The following DISC1 variants were observed in gnomAD, a reference collection of about 807,000 sequenced individuals.
DISC1 encodes the protein DISC1 scaffold protein.
A neutral mutation model predicts 84.5 loss-of-function variants in DISC1; 57 were observed. The observed-to-expected ratio is 0.67, with a 90% CI of 0.55 to 0.84. The LOEUF is 0.84. DISC1 is among the 40% of genes least tolerant of loss of function. The pLI, the probability that DISC1 is intolerant of heterozygous loss-of-function variation, is 0.00. For missense variants in DISC1, 1,000 were observed against 1,057.8 expected, an observed-to-expected ratio of 0.95 and a Z score of 0.76; for synonymous variants, 411 against 415.2, an observed-to-expected ratio of 0.99 and a Z score of 0.12.
chr1:231,693,986 C>T lies in DISC1; in HGVS notation c.228C>T (p.Ser76=). ...RFPGGVSGEE[S]HHSESRARQC... ...CAGGAGGGGTGTCTGGCGAGGAGTC[C>T]CACCACTCGGAGTCCAGGGCCAGAC... Residue 76 remains serine (S), a synonymous_variant, in exon 2 of 13, where the codon TCC becomes TCT. Coordinates refer to ENST00000439617, the MANE Select transcript of DISC1 (RefSeq NM_018662.3). 1.2e-6 allele frequency: 2 copies of T among 1,614,034 alleles called. No individual in the cohort carries two copies. Among genetic ancestry groups the T allele is most frequent in the Non-Finnish European group, 1.7e-6 (2 of 1,179,958 alleles).
intron 9 of DISC1, among the ~76,000 whole-genome samples, chr1:231,929,004 G>T (rs1456429955): frequency 6.6e-6 from 1 of 152,136 alleles, no homozygotes; most frequent in Non-Finnish European, 1.5e-5. Flanking sequence ...GAATAAGTGC[G>T]ATGTGGTGCT....
chr1:231,932,398 T>C (rs1373879214), intron 9 of DISC1, among the ~76,000 whole-genome samples: 2 of 152,236 alleles, frequency 1.3e-5, no homozygotes, highest in African/African-American at 2.4e-5. Context: ...ATAGCTCCTA[T>C]TGAGGACCTG....
chr1:231,903,212 C>A (rs2088331731), intron 9 of DISC1, among the ~76,000 whole-genome samples: 1 of 152,048 alleles, frequency 6.6e-6, no homozygotes, highest in African/African-American at 2.4e-5. Flanking sequence ...CAGACATGAG[C>A]CATGATGCCT....
intron 9 of DISC1, among the ~76,000 whole-genome samples, chr1:231,860,988 T>TC (rs1032698327): frequency 1.1e-4 from 17 of 152,360 alleles, no homozygotes; most frequent in African/African-American, 3.6e-4. Context: ...TCAATTTTTT[T>TC]CCGCAAGGGC....
chr1:231,995,704 T>G, intron 10 of DISC1, among the ~76,000 whole-genome samples: 1 of 151,626 alleles, frequency 6.6e-6, no homozygotes, highest in African/African-American at 2.4e-5. Context: ...TATTCCATGG[T>G]GTATATGTGC....
chr1:231,941,679 G>A (rs943043786), intron 9 of DISC1, among the ~76,000 whole-genome samples: 1 of 152,056 alleles, frequency 6.6e-6, no homozygotes, highest in Non-Finnish European at 1.5e-5. Context: ...CACCATGTTG[G>A]CCAGGATGGT....
At chr1:232,001,448 A>C (rs1666679916) in intron 10 of DISC1, among the ~76,000 whole-genome samples, 1 of 152,220 alleles carries the variant, frequency 6.6e-6, no homozygotes, top group South Asian at 2.1e-4. Flanking sequence ...TTAAAGTAGT[A>C]AAATATTGGT....
chr1:232,018,659 G>A (rs1169459475), intron 11 of DISC1, among the ~76,000 whole-genome samples: 1 of 152,180 alleles, frequency 6.6e-6, no homozygotes, highest in Admixed American at 6.5e-5. Flanking sequence ...AGGCCTACGG[G>A]TTTTGATCAT....
chr1:231,964,127 TCCTCCCTTAATAAGATTAAGTCTG>T (rs1427295037), intron 10 of DISC1, among the ~76,000 whole-genome samples: 2 of 152,178 alleles, frequency 1.3e-5, no homozygotes, highest in Admixed American at 1.3e-4. Context: ...AGAGGTGGTC[TCCTCCCTTAATAAGATTAAGTCTG>T]CCTTGTTCAG....
chr1:231,976,168 G>A (rs1662768696), intron 10 of DISC1, among the ~76,000 whole-genome samples: 1 of 152,154 alleles, frequency 6.6e-6, no homozygotes, highest in African/African-American at 2.4e-5. Flanking sequence ...GGTGCAAAGT[G>A]TTCATTAATG....
chr1:231,812,828 G>C (rs2080442612), intron 8 of DISC1, among the ~76,000 whole-genome samples: 1 of 152,148 alleles, frequency 6.6e-6, no homozygotes, highest in Non-Finnish European at 1.5e-5. Context: ...AGTCAGAGAG[G>C]TCTGCATCAA....
Position 231,693,806 on chromosome 1 carries a change from G to GT in DISC1, c.68-14dup, listed in dbSNP as rs760659018. 1.9e-6 allele frequency: 3 copies of GT among 1,612,498 alleles called. No homozygotes were observed. Among genetic ancestry groups the GT allele is most frequent in the Non-Finnish European group, 2.5e-6 (3 of 1,180,030 alleles). On this transcript the variant is annotated intron_variant, in intron 1 of 12. Coordinates refer to ENST00000439617, the MANE Select transcript of DISC1 (RefSeq NM_018662.3). ...GTAAGATCTGCATGTTTATGGTGCT[G>GT]TTTTTTCTTTTCTTCCCAGGCAGCC...
At chr1:231,766,520 C>A (rs1229947043) in intron 4 of DISC1, among the ~76,000 whole-genome samples, 1 of 152,154 alleles carries the variant, frequency 6.6e-6, no homozygotes. Context: ...ACAACCTTCT[C>A]ATTGACTAGT....
intron 10 of DISC1, among the ~76,000 whole-genome samples, chr1:232,003,179 A>G (rs1215869106): frequency 2.0e-5 from 3 of 152,226 alleles, no homozygotes; most frequent in Non-Finnish European, 4.4e-5. Context: ...AAAACCAGCA[A>G]TCCAAAGATA....
intron 3 of DISC1, among the ~76,000 whole-genome samples, chr1:231,718,202 C>T (rs779883099): frequency 7.9e-5 from 12 of 152,200 alleles, no homozygotes; most frequent in Non-Finnish European, 1.3e-4. Flanking sequence ...CCCTCCAAAG[C>T]ATCCTTCGAT....
Position 231,796,201 on chromosome 1 carries a change from G to T in DISC1, c.1689+905G>T, listed in dbSNP as rs1403562402. Among the ~76,000 whole-genome samples the T allele has an allele frequency of 4.6e-5, 7 of 152,156 alleles. No homozygotes were observed. The South Asian group carries it at 8.3e-4, about 18-fold the overall frequency. ...TACAAAACAAAAGCCCTTCTCATAT[G>T]TATTTATACCTGGCCAAGTTATTGA... On this transcript the variant is annotated intron_variant, in intron 7 of 12. Coordinates refer to ENST00000439617, the MANE Select transcript of DISC1 (RefSeq NM_018662.3).
chr1:231,931,927 C>T (rs2090687519), intron 9 of DISC1, among the ~76,000 whole-genome samples: 1 of 152,114 alleles, frequency 6.6e-6, no homozygotes, highest in African/African-American at 2.4e-5. Flanking sequence ...GCTGGTTTTA[C>T]AAGTGTGAGC....
intron 9 of DISC1, among the ~76,000 whole-genome samples, chr1:231,916,838 C>T (rs2089673049): frequency 6.6e-6 from 1 of 152,116 alleles, no homozygotes; most frequent in African/African-American, 2.4e-5. Flanking sequence ...CCTACCTGGC[C>T]AAGCACTGTC....
chr1:231,667,639 A>G (rs943664462), intron 1 of DISC1, among the ~76,000 whole-genome samples: 2 of 152,164 alleles, frequency 1.3e-5, no homozygotes, highest in Non-Finnish European at 2.9e-5. Context: ...AGCAGCCCAC[A>G]TTCTGAGATT....
Sources: gnomAD v4.1 joint callset for allele counts (sites outside exome capture counted in the v4.1 genomes callset) on GRCh38, gnomAD v4.1.1 for gene constraint, MANE v1.5 for transcripts, NCBI Gene and HGNC (gene_info 2026-07-23, HGNC 2026-07-21) for gene names.